The following EXOC4 variants were observed in gnomAD, a reference collection of about 807,000 sequenced individuals.
The protein encoded by EXOC4 is SEC8-like 1.
EXOC4 carries 71 observed loss-of-function variants against 107.2 expected under a neutral mutation model. That is an observed-to-expected ratio of 0.66 (90% CI 0.55 to 0.81). EXOC4 has a LOEUF of 0.81. Ranked by LOEUF, EXOC4 falls within the 30% of genes least tolerant of loss-of-function variation. EXOC4 has a pLI of 0.00. For synonymous variants in EXOC4, 456 were observed against 441.2 expected (o/e 1.03, Z -0.42); for missense variants, 1,108 against 1,189.6 (o/e 0.93, Z 1.01).
At chr7:133,600,198 C>T (rs1280987530) in intron 9 of EXOC4, among the ~76,000 whole-genome samples, 2 of 152,100 alleles carry the variant, frequency 1.3e-5, no homozygotes, top group Admixed American at 6.5e-5. Context: ...GCCACTCTCC[C>T]GTGACTTTTG....
At chr7:133,457,749 C>T (rs563434955) in intron 7 of EXOC4, among the ~76,000 whole-genome samples, 5 of 152,178 alleles carry the variant, frequency 3.3e-5, no homozygotes, top group Admixed American at 6.5e-5. Context: ...TCTGCTTCCT[C>T]TTCTTTTTTC....
At chr7:133,980,399 G>A (rs1293184372) in intron 14 of EXOC4, among the ~76,000 whole-genome samples, 4 of 152,184 alleles carry the variant, frequency 2.6e-5, no homozygotes, top group Non-Finnish European at 5.9e-5. Context: ...TGTTCTAAAT[G>A]CTTCATGTGT....
intron 10 of EXOC4, among the ~76,000 whole-genome samples, chr7:133,698,920 G>T (rs1794596693): frequency 6.6e-6 from 1 of 151,616 alleles, no homozygotes; most frequent in Non-Finnish European, 1.5e-5. Context: ...CAATAAAATA[G>T]GCATGTGCTT....
chr7:133,325,445 G>A (rs1300699811), intron 5 of EXOC4, among the ~76,000 whole-genome samples: 1 of 152,118 alleles, frequency 6.6e-6, no homozygotes, highest in African/African-American at 2.4e-5. Context: ...GTCTGTAAAG[G>A]ATTTTATTTC....
At chr7:133,926,462 A>G (rs1300929121) in intron 13 of EXOC4, among the ~76,000 whole-genome samples, 1 of 152,146 alleles carries the variant, frequency 6.6e-6, no homozygotes, top group Non-Finnish European at 1.5e-5. Flanking sequence ...TTTTGTTATC[A>G]TTGGTATTCA....
chr7:133,807,697 C>T (rs923494935), intron 10 of EXOC4, among the ~76,000 whole-genome samples: 1 of 152,088 alleles, frequency 6.6e-6, no homozygotes, highest in Non-Finnish European at 1.5e-5. Context: ...TTATTTTGTT[C>T]TCTGAGTTTT....
At chr7:133,495,189 T>C (rs918470435) in intron 9 of EXOC4, among the ~76,000 whole-genome samples, 4 of 151,806 alleles carry the variant, frequency 2.6e-5, no homozygotes, top group African/African-American at 7.3e-5. Context: ...GAAACGGAGA[T>C]TGCAGTGAGC....
the EXOC4 span, among the ~76,000 whole-genome samples, chr7:134,085,275 G>A: frequency 1.3e-5 from 2 of 150,366 alleles, no homozygotes; most frequent in Non-Finnish European, 3.0e-5. Context: ...GAATGGTGAA[G>A]TAATAACCTT....
chr7:133,994,930 T>G (rs1322161072), intron 14 of EXOC4, among the ~76,000 whole-genome samples: 1 of 152,160 alleles, frequency 6.6e-6, no homozygotes, highest in Non-Finnish European at 1.5e-5. Context: ...ATTTCTTTGC[T>G]CAGTATATTC....
rs59230570 is a variant in EXOC4, at chr7:133,941,049, A to G, written c.2206+2980A>G. Among the ~76,000 whole-genome samples, 1,450 of 150,794 alleles carry G rather than the reference A, an allele frequency of 9.6e-3. 26 individuals carry two copies. Among genetic ancestry groups the G allele is most frequent in the African/African-American group, 0.033 (1,337 of 41,104 alleles). On this transcript the variant is annotated intron_variant, in intron 14 of 17. Coordinates refer to ENST00000253861, the MANE Select transcript of EXOC4 (RefSeq NM_021807.4). ...TCTTTTTTTTTTTTGAGATGGATTC[A>G]TGCAGTGGCGCGATCTCGGCTCACT... is the stretch of plus-strand genomic sequence containing the variant.
intron 17 of EXOC4, among the ~76,000 whole-genome samples, chr7:134,061,889 C>A (rs1796068087): frequency 6.6e-6 from 1 of 152,152 alleles, no homozygotes; most frequent in South Asian, 2.1e-4. Flanking sequence ...TAAATTACAG[C>A]AGATACATTA....
chr7:133,787,967 A>ATATT (rs1562997669), intron 10 of EXOC4, among the ~76,000 whole-genome samples: 14 of 16,604 alleles, frequency 8.4e-4, no homozygotes, highest in Non-Finnish European at 1.0e-3. Context: ...ATATATTTAT[A>ATATT]TATATATATA....
chr7:133,822,772 C>G (rs571817126), intron 11 of EXOC4, among the ~76,000 whole-genome samples: 1 of 152,156 alleles, frequency 6.6e-6, no homozygotes, highest in Non-Finnish European at 1.5e-5. Context: ...TTTTGGTACT[C>G]GCTAAAGTTT....
Position 133,479,702 on chromosome 7 carries a change from G to A in EXOC4, c.1329-348G>A, listed in dbSNP as rs575244620. 9.6e-4 allele frequency: 228 copies of A among 237,610 alleles called. 3 individuals are homozygous for A. In the South Asian group the frequency reaches 0.015, roughly 16 times the overall value. 14.7% of individuals were successfully genotyped at this position (237,610 alleles called of 1,614,324 possible). ...AGCTGGATGGTAACGTAATTAGAAT[G>A]ACTTCATAGGATGCTTTCGTTGCTG... On this transcript the variant is annotated intron_variant, in intron 8 of 17. Coordinates refer to ENST00000253861, the MANE Select transcript of EXOC4 (RefSeq NM_021807.4).
intron 6 of EXOC4, among the ~76,000 whole-genome samples, chr7:133,363,574 C>T (rs1796179222): frequency 1.4e-5 from 2 of 143,702 alleles, no homozygotes; most frequent in African/African-American, 5.2e-5. Context: ...CTCAATATTA[C>T]ATTTCTTAAA....
At chr7:133,302,229 T>G (rs1387784663) in intron 3 of EXOC4, among the ~76,000 whole-genome samples, 1 of 152,226 alleles carries the variant, frequency 6.6e-6, no homozygotes, top group East Asian at 1.9e-4. Flanking sequence ...CAATATCATG[T>G]GATAAAACAT....
rs1284470627 is a variant in EXOC4 at position 133,791,052 on chromosome 7, T to C, written c.1515-26273T>C. On this transcript the variant is annotated intron_variant, in intron 10 of 17. Transcript: ENST00000253861. ...ATTGGGGGGATGTGGAAGGTTTTAATCACTGGAATACCATTTTTATTACAG... is the reference window on the plus strand; with the variant it reads ...ATTGGGGGGATGTGGAAGGTTTTAACCACTGGAATACCATTTTTATTACAG... Among the ~76,000 whole-genome samples the C allele has an allele frequency of 3.3e-5, 5 of 152,200 alleles. 1 individual carries two copies. Among genetic ancestry groups the C allele is most frequent in the African/African-American group, 1.2e-4 (5 of 41,444 alleles).
chr7:133,617,584 A>G (rs1464160931), intron 9 of EXOC4, among the ~76,000 whole-genome samples: 1 of 152,162 alleles, frequency 6.6e-6, no homozygotes, highest in Non-Finnish European at 1.5e-5. Context: ...GGCACAGGAG[A>G]ACAGGAACAA....
At chr7:133,516,013 C>T (rs1289691017) in intron 9 of EXOC4, among the ~76,000 whole-genome samples, 1 of 152,086 alleles carries the variant, frequency 6.6e-6, no homozygotes, top group Non-Finnish European at 1.5e-5. Context: ...TGTGTATCTG[C>T]GAATTGAACC....
Sources: gnomAD v4.1 joint callset for allele counts (sites outside exome capture counted in the v4.1 genomes callset) on GRCh38, gnomAD v4.1.1 for gene constraint, MANE v1.5 for transcripts, NCBI Gene and HGNC (gene_info 2026-07-23, HGNC 2026-07-21) for gene names.